Variants in PGS1 observed in about 807,000 individuals in gnomAD.
PGS1 encodes the protein CDP-diacylglycerol--glycerol-3-phosphate 3-phosphatidyltransferase, mitochondrial.
In PGS1, 44 loss-of-function variants were observed where a neutral mutation model predicts 58.3. The ratio of observed to expected loss-of-function variants is 0.75; its 90% CI spans 0.59 to 0.97. The LOEUF (loss-of-function observed/expected upper bound fraction) is 0.97, where lower values mean the gene tolerates loss of function less well. Ranked by LOEUF, PGS1 falls within the 50% of genes least tolerant of loss-of-function variation. PGS1 has a pLI of 0.00. For synonymous variants in PGS1, 330 were observed against 311.0 expected (o/e 1.06, Z -0.64); for missense variants, 684 against 731.1 (o/e 0.94, Z 0.74).
At chr17:78,393,313 G>A (rs1018024554) in intron 2 of PGS1, among the ~76,000 whole-genome samples, 3 of 152,172 alleles carry the variant, frequency 2.0e-5, no homozygotes, top group Non-Finnish European at 4.4e-5. Context: ...ACCCGCCTCG[G>A]CCTCCCAAAG....
chr17:78,396,993 A>G (rs926340287), intron 3 of PGS1, among the ~76,000 whole-genome samples: 44 of 152,302 alleles, frequency 2.9e-4, no homozygotes, highest in African/African-American at 1.0e-3. Flanking sequence ...TGTACTAGAC[A>G]AACGGACCTG....
At chr17:78,385,893 G>T (rs1223228702) in intron 1 of PGS1, among the ~76,000 whole-genome samples, 1 of 152,226 alleles carries the variant, frequency 6.6e-6, no homozygotes, top group African/African-American at 2.4e-5. Context: ...GGCTAAGCAG[G>T]CTTCCCTCTC....
chr17:78,386,463 T>C (rs2082392613), intron 1 of PGS1, among the ~76,000 whole-genome samples: 1 of 152,184 alleles, frequency 6.6e-6, no homozygotes, highest in Non-Finnish European at 1.5e-5. Context: ...CACCACTTCC[T>C]CCTTCCCATA....
chr17:78,401,749 T>A (rs8072632), intron 6 of PGS1, among the ~76,000 whole-genome samples: 1 of 152,014 alleles, frequency 6.6e-6, no homozygotes, highest in African/African-American at 2.4e-5. Flanking sequence ...CTGTTCCTAC[T>A]GTTGTATTTT....
At chr17:78,413,094 G>A (rs541191369) in intron 7 of PGS1, among the ~76,000 whole-genome samples, 62 of 152,368 alleles carry the variant, frequency 4.1e-4, no homozygotes, top group Admixed American at 1.8e-3. Context: ...GGCCTGCACG[G>A]CCAGTGGCCC....
intron 1 of PGS1, among the ~76,000 whole-genome samples, chr17:78,387,937 C>T (rs776171180): frequency 7.2e-5 from 11 of 152,118 alleles, no homozygotes; most frequent in Non-Finnish European, 1.6e-4. Context: ...GATGTGGTCT[C>T]CTTGGCATAT....
intron 9 of PGS1, chr17:78,423,793 A>AAGAG: frequency 7.3e-7 from 1 of 1,376,916 alleles, no homozygotes. Flanking sequence ...CTGATTATTT[A>AAGAG]AGAGAACGAA....
At chr17:78,422,073 T>G (rs964561971) in intron 9 of PGS1, among the ~76,000 whole-genome samples, 5 of 152,258 alleles carry the variant, frequency 3.3e-5, no homozygotes, top group African/African-American at 1.2e-4. Context: ...TGGACTAGAT[T>G]ACTTTCTTAT....
chr17:78,419,417 C>G (rs555321151), intron 8 of PGS1, 129 bp from the exon 9 acceptor site: 2 of 787,118 alleles, frequency 2.5e-6, no homozygotes, highest in South Asian at 2.9e-5. Context: ...CTGGGAATCT[C>G]TGGGCCAGGT....
At chr17:78,394,035 G>A (rs2083027082) in intron 2 of PGS1, among the ~76,000 whole-genome samples, 1 of 151,776 alleles carries the variant, frequency 6.6e-6, no homozygotes, top group Non-Finnish European at 1.5e-5. Context: ...AATACGGAAG[G>A]GTGGCACACA....
intron 8 of PGS1, 146 bp downstream of exon 8, chr17:78,415,173 A>G (rs1329514383): frequency 2.9e-5 from 26 of 896,362 alleles, no homozygotes; most frequent in Admixed American, 1.5e-4. Flanking sequence ...CTGGGTCTCC[A>G]AGAGTGCAGT....
At chr17:78,419,492 T>C in intron 8 of PGS1, 54 bp from the exon 9 acceptor site, 3 of 1,494,934 alleles carry the variant, frequency 2.0e-6, no homozygotes, top group South Asian at 2.3e-5. Context: ...GCCGGCCATG[T>C]GGTGTGGTGC....
chr17:78,413,792 G>A (rs542335829), intron 7 of PGS1, among the ~76,000 whole-genome samples: 31 of 152,300 alleles, frequency 2.0e-4, no homozygotes, highest in African/African-American at 7.0e-4. Context: ...TGCGGGAGTC[G>A]GCCCTGGACC....
At chr17:78,395,051 AT>A (rs35729867) in intron 2 of PGS1, among the ~76,000 whole-genome samples, 29,687 of 152,084 alleles carry the variant, frequency 0.2, 3,072 homozygotes, top group South Asian at 0.25. Context: ...TTTCCCTGCC[AT>A]CTGGGCTGAA....
Position 78,424,532 on chromosome 17 carries a change from A to T in PGS1, c.*482A>T, listed in dbSNP as rs2086325540. The stretch of plus-strand genomic sequence containing the variant: ...ATGTCTGCCCTATGTGTACATACAC[A>T]ATATAATTATACATCTGTGCATATA... On this transcript the variant is annotated 3_prime_UTR_variant, in exon 10 of 10. Coordinates refer to ENST00000262764, the MANE Select transcript of PGS1 (RefSeq NM_024419.5). The T allele has an allele frequency of 5.0e-6, 1 of 201,882 alleles. No individual in the cohort carries two copies. Among genetic ancestry groups the T allele is most frequent in the African/African-American group, 2.3e-5 (1 of 43,426 alleles). The allele number at this position is 201,882 out of a possible 1,614,324, so 12.5% of individuals were successfully genotyped here.
intron 9 of PGS1, chr17:78,423,801 G>C: frequency 6.9e-7 from 1 of 1,451,164 alleles, no homozygotes; most frequent in Non-Finnish European, 9.4e-7. Context: ...TTAAGAGAAC[G>C]AAAAACCACC....
Position 78,423,570 on chromosome 17 carries a change from C to T in PGS1, c.*11-491C>T, listed in dbSNP as rs183773641. The T allele has an allele frequency of 8.0e-3, 2,495 of 310,108 alleles. 18 individuals carry two copies. Among genetic ancestry groups the T allele is most frequent in the Admixed American group, 0.012 (280 of 23,714 alleles). The allele number at this position is 310,108 out of a possible 1,614,324, so 19.2% of individuals were successfully genotyped here. A position where few individuals can be genotyped will look rare whatever the true frequency, so the allele number is the denominator to read the frequency against. The stretch of plus-strand genomic sequence containing the variant: ...TAAAAGCAAACTCCACTGACCCCCC[C>T]GGGAAGTCAGGATTTGGGATTTACT... On this transcript the variant is annotated intron_variant, in intron 9 of 9. Transcript: ENST00000262764.
rs2146138187 is a variant in PGS1 at position 78,392,664 on chromosome 17, A to T, written c.332A>T (p.Lys111Met). The T allele has an allele frequency of 1.9e-6, 3 of 1,613,472 alleles. No homozygotes were observed. The highest frequency in any genetic ancestry group is 2.5e-6 in the Non-Finnish European group (3 of 1,179,572). ...CCGGCAGAGTTTTTCGAGCTCATGA[A>T]GGTAAGTGGTATCTAAAGGAAAGAA... ...SSPAEFFELM[K>M]GQIRVAKRRV... The change falls in exon 2 of 10, where the codon AAG (lysine) becomes ATG (methionine). Residue 111 changes from lysine to methionine, a missense_variant and splice_region_variant. By Grantham distance (95) the Lys-to-Met change is moderately conservative. Transcript: ENST00000262764.
intron 8 of PGS1, among the ~76,000 whole-genome samples, chr17:78,417,529 C>T (rs1458722230): frequency 6.6e-6 from 1 of 152,014 alleles, no homozygotes; most frequent in Non-Finnish European, 1.5e-5. Flanking sequence ...AAGCCAAGGC[C>T]ACATTCTGTA....
Sources: gnomAD v4.1 joint callset for allele counts (sites outside exome capture counted in the v4.1 genomes callset) on GRCh38, gnomAD v4.1.1 for gene constraint, MANE v1.5 for transcripts, NCBI Gene and HGNC (gene_info 2026-07-23, HGNC 2026-07-21) for gene names.